The following SEMA6D variants were observed in gnomAD, a reference collection of about 807,000 sequenced individuals.
SEMA6D encodes the protein semaphorin 6D, also known as semaphorin-6D.
Under a neutral mutation model 106.6 loss-of-function variants are expected in SEMA6D, and 35 were observed. That is an observed-to-expected ratio of 0.33 (90% CI 0.25 to 0.44). The LOEUF is 0.44. SEMA6D is among the 20% of genes least tolerant of loss of function. The probability of loss-of-function intolerance (pLI) is 1.00; values close to 1 mark genes in which losing one functional copy is unlikely to be tolerated. For missense variants in SEMA6D, 1,185 were observed against 1,345.9 expected, an observed-to-expected ratio of 0.88 and a Z score of 1.87; for synonymous variants, 499 against 487.7, an observed-to-expected ratio of 1.02 and a Z score of -0.31.
intron 3 of SEMA6D, among the ~76,000 whole-genome samples, chr15:47,580,433 A>C (rs950112769): frequency 1.3e-5 from 2 of 152,238 alleles, no homozygotes. Context: ...CTAGGTAGAT[A>C]TCTGAATCAC....
At chr15:47,631,480 A>G (rs2077292025) in intron 4 of SEMA6D, among the ~76,000 whole-genome samples, 1 of 151,940 alleles carries the variant, frequency 6.6e-6, no homozygotes, top group Non-Finnish European at 1.5e-5. Context: ...AGAAAAAGGA[A>G]AAAAAGGCTC....
intron 4 of SEMA6D, among the ~76,000 whole-genome samples, chr15:47,639,053 G>C (rs1239797774): frequency 6.6e-6 from 1 of 152,192 alleles, no homozygotes; most frequent in Non-Finnish European, 1.5e-5. Flanking sequence ...GGAGGACACA[G>C]ACTCTGCTCA....
At position 47,204,435 on chromosome 15, in the gene SEMA6D, A is replaced by G. The variant is rs184777418; in HGVS notation, c.-239+20017A>G. Among the ~76,000 whole-genome samples the G allele has an allele frequency of 5.9e-5, 9 of 152,294 alleles. No individual in the cohort carries two copies. The East Asian group carries it at 1.3e-3, about 23-fold the overall frequency. ...CTGTTTACAGTAAAATTGAGGTTAT[A>G]TCTTCATAATATTTCATTAAGTTAA... On this transcript the variant is annotated intron_variant, in intron 1 of 19. Transcript: ENST00000558014.
At chr15:47,489,231 G>A (rs934178162) in intron 3 of SEMA6D, among the ~76,000 whole-genome samples, 2 of 152,144 alleles carry the variant, frequency 1.3e-5, no homozygotes, top group Non-Finnish European at 2.9e-5. Context: ...AGCTGGAAGG[G>A]ACAAGGACAA....
intron 2 of SEMA6D, among the ~76,000 whole-genome samples, chr15:47,451,280 A>G (rs2042183816): frequency 6.6e-6 from 1 of 151,970 alleles, no homozygotes; most frequent in Non-Finnish European, 1.5e-5. Flanking sequence ...CGAATGCAAA[A>G]TGGTTGATGT....
intron 1 of SEMA6D, among the ~76,000 whole-genome samples, chr15:47,758,493 A>C (rs1013286622): frequency 5.3e-5 from 8 of 152,210 alleles, no homozygotes; most frequent in African/African-American, 1.9e-4. Context: ...CTTCACAAAA[A>C]TATCCATCTC....
chr15:47,645,553 A>ACTT (rs2077567071), intron 4 of SEMA6D, among the ~76,000 whole-genome samples: 1 of 151,280 alleles, frequency 6.6e-6, no homozygotes, highest in Non-Finnish European at 1.5e-5. Context: ...TCAACACAAC[A>ACTT]CTTCTGACAC....
intron 3 of SEMA6D, among the ~76,000 whole-genome samples, chr15:47,505,432 G>C (rs1340323441): frequency 2.0e-5 from 3 of 152,280 alleles, no homozygotes; most frequent in African/African-American, 7.2e-5. Context: ...AACTGGCTTA[G>C]ACCTTCCGTA....
intron 1 of SEMA6D, among the ~76,000 whole-genome samples, chr15:47,217,168 A>G (rs993909500): frequency 1.3e-5 from 2 of 152,184 alleles, no homozygotes; most frequent in Non-Finnish European, 2.9e-5. Flanking sequence ...CATCCCGTGT[A>G]TGGTATTTTG....
At chr15:47,499,766 A>G (rs962774779) in intron 3 of SEMA6D, among the ~76,000 whole-genome samples, 2 of 152,112 alleles carry the variant, frequency 1.3e-5, no homozygotes, top group Non-Finnish European at 2.9e-5. Context: ...TTGCAGTTCT[A>G]AAGCTTTTGC....
chr15:47,287,696 TC>T (rs1203795568), intron 1 of SEMA6D, among the ~76,000 whole-genome samples: 1 of 152,232 alleles, frequency 6.6e-6, no homozygotes, highest in African/African-American at 2.4e-5. Flanking sequence ...TCTGAGATCA[TC>T]TAAGCTTAAA....
At chr15:47,268,168 A>G (rs762806015) in intron 1 of SEMA6D, among the ~76,000 whole-genome samples, 4 of 152,106 alleles carry the variant, frequency 2.6e-5, no homozygotes, top group Non-Finnish European at 5.9e-5. Context: ...TTGCACATTG[A>G]AATAACATAA....
At chr15:47,243,990 A>G (rs775527656) in intron 1 of SEMA6D, among the ~76,000 whole-genome samples, 2 of 152,194 alleles carry the variant, frequency 1.3e-5, no homozygotes, top group Non-Finnish European at 2.9e-5. Context: ...AACTAAATAT[A>G]TAATATGATA....
Position 47,768,703 on chromosome 15 carries a change from C to T in SEMA6D, c.1888C>T (p.Pro630Ser). ...TCGGAAATTTGTAGTTCAAGATGAT[C>T]CAAACACTTCTGATTTTACTGATCC... ...SSRKFVVQDD[P>S]NTSDFTDPLS... The change falls in exon 18 of 19, where the codon CCA becomes TCA. Residue 630 changes from proline (P) to serine (S), a missense_variant. Transcript: ENST00000536845. 1 of 1,613,484 alleles carries T rather than the reference C, an allele frequency of 6.2e-7. No individual in the cohort carries two copies. The highest frequency in any genetic ancestry group is 8.5e-7 in the Non-Finnish European group (1 of 1,179,584).
chr15:47,634,711 G>A (rs566067913), intron 4 of SEMA6D, among the ~76,000 whole-genome samples: 4 of 152,124 alleles, frequency 2.6e-5, no homozygotes, highest in South Asian at 2.1e-4. Context: ...ACCCTGGTGG[G>A]GGCAATTGTA....
intron 3 of SEMA6D, among the ~76,000 whole-genome samples, chr15:47,583,999 T>A (rs544666928): frequency 3.3e-5 from 5 of 152,336 alleles, no homozygotes; most frequent in African/African-American, 1.2e-4. Context: ...ATCCCATCTA[T>A]GGCTTATCCA....
At chr15:47,299,081 C>T (rs756693736) in intron 1 of SEMA6D, among the ~76,000 whole-genome samples, 10 of 152,002 alleles carry the variant, frequency 6.6e-5, no homozygotes, top group Non-Finnish European at 1.0e-4. Context: ...GAAGGTGCAG[C>T]GGGAAGGCTG....
At chr15:47,331,703 T>C (rs1184301451) in intron 1 of SEMA6D, among the ~76,000 whole-genome samples, 1 of 152,188 alleles carries the variant, frequency 6.6e-6, no homozygotes, top group African/African-American at 2.4e-5. Context: ...CTTTTCTACA[T>C]TGTCAAAAAT....
At chr15:47,536,465 G>T (rs72733859) in intron 3 of SEMA6D, among the ~76,000 whole-genome samples, 8,408 of 152,278 alleles carry the variant, frequency 0.055, 262 homozygotes, top group Middle Eastern at 0.075. Context: ...CTTAGCTAAT[G>T]CAAGTTCAGT....
Sources: gnomAD v4.1 joint callset for allele counts (sites outside exome capture counted in the v4.1 genomes callset) on GRCh38, gnomAD v4.1.1 for gene constraint, MANE v1.5 for transcripts, NCBI Gene and HGNC (gene_info 2026-07-23, HGNC 2026-07-21) for gene names.